Variants in LYST observed in about 807,000 individuals in gnomAD.
LYST encodes lysosomal trafficking regulator.
LYST carries 192 observed loss-of-function variants against 413.6 expected under a neutral mutation model. The ratio of observed to expected loss-of-function variants is 0.46; its 90% CI spans 0.41 to 0.52. The LOEUF is 0.52. Among genes scored for constraint, LYST ranks in the 20% least tolerant of loss-of-function variants. The pLI is 0.00. For missense variants in LYST, 3,815 were observed against 4,499.9 expected (o/e 0.85, Z 4.35); for synonymous variants, 1,525 against 1,567.3 (o/e 0.97, Z 0.64).
intron 1 of LYST, among the ~76,000 whole-genome samples, chr1:235,872,688 G>A (rs12141396): frequency 0.3 from 45,427 of 151,964 alleles, 8,836 homozygotes; most frequent in East Asian, 0.8. Flanking sequence ...TGAGAGGTGG[G>A]CAGTTCACTT....
intron 30 of LYST, among the ~76,000 whole-genome samples, chr1:235,742,570 T>TTATTTA (rs1665527758): frequency 6.8e-6 from 1 of 146,902 alleles, no homozygotes; most frequent in South Asian, 2.2e-4. Context: ...AAATTTTATG[T>TTATTTA]TATATATATA....
At chr1:235,812,724 G>A (rs1673591722) in intron 4 of LYST, among the ~76,000 whole-genome samples, 1 of 151,952 alleles carries the variant, frequency 6.6e-6, no homozygotes, top group Non-Finnish European at 1.5e-5. Context: ...CTTCTGATAA[G>A]TGTTTCTGCT....
intron 36 of LYST, 35 bp from the exon 37 acceptor site, chr1:235,729,692 T>C: frequency 7.0e-7 from 1 of 1,425,566 alleles, no homozygotes; most frequent in African/African-American, 1.4e-5. Context: ...TATGACTAAA[T>C]GTTCTGACCA....
At chr1:235,781,215 G>A (rs188324954) in intron 15 of LYST, among the ~76,000 whole-genome samples, 160 bp from the exon 16 acceptor site, 9 of 152,286 alleles carry the variant, frequency 5.9e-5, no homozygotes, top group Admixed American at 1.3e-4. Context: ...TTGGTGTAAC[G>A]AGAAAATAAC....
At chr1:235,861,896 C>T (rs1346631755) in intron 1 of LYST, among the ~76,000 whole-genome samples, 1 of 152,150 alleles carries the variant, frequency 6.6e-6, no homozygotes, top group East Asian at 1.9e-4. Context: ...TGTGATGGCC[C>T]ATTTATTTCA....
intron 17 of LYST, among the ~76,000 whole-genome samples, chr1:235,775,364 G>A (rs1669128741): frequency 6.6e-6 from 1 of 152,170 alleles, no homozygotes; most frequent in Non-Finnish European, 1.5e-5. Context: ...AGTGTCATAA[G>A]TTTTTGATAA....
rs1346066490 is a variant in LYST, at chr1:235,733,536, C to T, written c.8768G>A (p.Trp2923Ter). ...YKVDLSASRH[W>*]QELIQQLTHD... The stretch of plus-strand genomic sequence containing the variant: ...TGTCAGCTGCTGAATAAGTTCCTGC[C>T]AATGTCTGCTGGCACTCAAATCTAC... Residue 2923 changes from tryptophan (W) to a stop codon, truncating the protein, a stop_gained, in exon 34 of 53, where the codon TGG becomes TAG. Coordinates refer to ENST00000389793, the MANE Select transcript of LYST (RefSeq NM_000081.4). LOFTEE classifies it high-confidence loss of function. 1.2e-6 allele frequency: 2 copies of T among 1,613,974 alleles called. No homozygotes were observed. The highest frequency in any genetic ancestry group is 8.5e-7 in the Non-Finnish European group (1 of 1,179,918).
At chr1:235,762,266 C>T (rs988788437) in intron 22 of LYST, among the ~76,000 whole-genome samples, 4 of 152,122 alleles carry the variant, frequency 2.6e-5, no homozygotes, top group Non-Finnish European at 5.9e-5. Flanking sequence ...TGTAGTTTCA[C>T]AGGTGCTTGA....
In LYST at chr1:235,806,443, A is replaced by G. The variant is rs746565235; in HGVS notation, c.2693T>C (p.Ile898Thr). 5.0e-6 allele frequency: 8 copies of G among 1,613,994 alleles called. No individual in the cohort carries two copies. The Admixed American group carries it at 1.0e-4, about 20-fold the overall frequency. The change falls in exon 6 of 53, where the codon ATA (isoleucine) becomes ACA (threonine). Residue 898 changes from isoleucine (I) to threonine (T), a missense_variant. By Grantham distance (89) the Ile-to-Thr change is moderately conservative. This residue lies in a region of LYST where 1,648 missense variants were observed against 1,810.3 expected (regional missense o/e 0.91). Transcript: ENST00000389793. The part of the protein sequence containing the change: ...TVNQDVHINT[I>T]NLFLCVAFLC... ...AAAAGCCACACAGAGGAATAGGTTT[A>G]TTGTGTTGATATGAACATCTTGGTT...
chr1:235,685,675 G>A (rs763726125), intron 48 of LYST, among the ~76,000 whole-genome samples: 11 of 151,578 alleles, frequency 7.3e-5, no homozygotes, highest in Non-Finnish European at 1.5e-5. Flanking sequence ...GCGAAACCCT[G>A]TCTCTACTAA....
chr1:235,782,154 G>T, intron 14 of LYST, 67 bp from the exon 15 acceptor site: 38 of 1,228,686 alleles, frequency 3.1e-5, no homozygotes, highest in Non-Finnish European at 4.3e-5. Flanking sequence ...TATTTTTAAA[G>T]TATGAATATT....
chr1:235,703,459 T>C (rs1436043876), intron 44 of LYST, among the ~76,000 whole-genome samples: 1 of 152,192 alleles, frequency 6.6e-6, no homozygotes, highest in East Asian at 1.9e-4. Context: ...ATTACTGCAC[T>C]AAGAAGCATA....
At chr1:235,822,783 G>A (rs1345355557) in intron 3 of LYST, among the ~76,000 whole-genome samples, 1 of 152,160 alleles carries the variant, frequency 6.6e-6, no homozygotes. Flanking sequence ...AATACAATGT[G>A]ATCAACATGT....
intron 41 of LYST, 91 bp from the exon 42 acceptor site, chr1:235,715,448 T>G: frequency 4.0e-6 from 5 of 1,237,630 alleles, no homozygotes; most frequent in African/African-American, 1.5e-5. Context: ...TCTCCTTCTC[T>G]ACTACCCCTT....
intron 1 of LYST, among the ~76,000 whole-genome samples, chr1:235,839,294 T>C (rs560695454): frequency 6.6e-6 from 1 of 151,662 alleles, no homozygotes; most frequent in African/African-American, 2.4e-5. Flanking sequence ...TCTCGCTCTG[T>C]CGCCCAGGAT....
rs556434680 is a variant in LYST, at chr1:235,692,200, G to T, written c.10701+1150C>A. Among the ~76,000 whole-genome samples the T allele has an allele frequency of 2.6e-5, 4 of 151,508 alleles. No individual in the cohort carries two copies. In the East Asian group the frequency reaches 8.2e-4, roughly 31 times the overall value. On this transcript the variant is annotated intron_variant, in intron 47 of 52. Transcript: ENST00000389793. ...ATACAAAAATTAGCCAAGTGTGGTGGCACATGCCTGTAGTCCCAGCTACTT... is the reference window on the plus strand; with the variant it reads ...ATACAAAAATTAGCCAAGTGTGGTGTCACATGCCTGTAGTCCCAGCTACTT...
At chr1:235,778,221 T>C (rs1274649770) in intron 16 of LYST, among the ~76,000 whole-genome samples, 3 of 150,596 alleles carry the variant, frequency 2.0e-5, no homozygotes, top group Non-Finnish European at 4.4e-5. Context: ...GCTGGGATTA[T>C]AGGCATGAAT....
chr1:235,698,412 C>A (rs1661268959), intron 45 of LYST, among the ~76,000 whole-genome samples: 1 of 152,104 alleles, frequency 6.6e-6, no homozygotes, highest in East Asian at 1.9e-4. Flanking sequence ...TAAATGATAT[C>A]ATAGTGGTCT....
chr1:235,708,723 T>A (rs1214587472), intron 44 of LYST, among the ~76,000 whole-genome samples: 1 of 152,208 alleles, frequency 6.6e-6, no homozygotes, highest in African/African-American at 2.4e-5. Flanking sequence ...ATGCTTTTTG[T>A]GCTTTACCAG....
Sources: allele counts gnomAD v4.1 joint callset (sites outside exome capture counted in the v4.1 genomes callset), GRCh38; gene constraint gnomAD v4.1.1; regional missense constraint gnomAD v4.1.1; transcripts MANE v1.5; gene names NCBI Gene and HGNC (gene_info 2026-07-23, HGNC 2026-07-21).